Variants in BRINP3 observed in about 807,000 individuals in gnomAD.
BRINP3 encodes the protein BMP/retinoic acid-inducible neural-specific protein 3.
Under a neutral mutation model 71.0 loss-of-function variants are expected in BRINP3, and 19 were observed. That is an observed-to-expected ratio of 0.27 (90% CI 0.19 to 0.39). BRINP3 has a LOEUF of 0.39. Among genes scored for constraint, BRINP3 ranks in the 10% least tolerant of loss-of-function variants. BRINP3 has a pLI of 1.00. For synonymous variants in BRINP3, 380 were observed against 337.7 expected (o/e 1.13, Z -1.37); for missense variants, 959 against 940.8 (o/e 1.02, Z -0.25).
chr1:190,449,122 A>G (rs905894751), intron 2 of BRINP3, among the ~76,000 whole-genome samples: 1 of 152,052 alleles, frequency 6.6e-6, no homozygotes, highest in African/African-American at 2.4e-5. Flanking sequence ...TCCAAGAATT[A>G]TATTTTAACA....
intron 4 of BRINP3, among the ~76,000 whole-genome samples, chr1:190,254,004 C>T (rs1204823122): frequency 6.6e-6 from 1 of 152,116 alleles, no homozygotes; most frequent in East Asian, 1.9e-4. Context: ...GTTTTCCCAG[C>T]ACCATTTATT....
At chr1:190,366,794 A>G (rs920020342) in intron 2 of BRINP3, among the ~76,000 whole-genome samples, 4 of 152,222 alleles carry the variant, frequency 2.6e-5, no homozygotes, top group African/African-American at 9.6e-5. Context: ...CCAAAATATA[A>G]TAGTGCAGTC....
chr1:190,152,072 T>C (rs2102424925), intron 7 of BRINP3, among the ~76,000 whole-genome samples: 1 of 152,284 alleles, frequency 6.6e-6, no homozygotes, highest in South Asian at 2.1e-4. Flanking sequence ...AAAAGGGCTG[T>C]AGTATTCAAG....
intron 6 of BRINP3, among the ~76,000 whole-genome samples, chr1:190,225,460 G>A (rs1261745890): frequency 6.6e-6 from 1 of 151,904 alleles, no homozygotes; most frequent in Non-Finnish European, 1.5e-5. Context: ...GAGTAGAACG[G>A]TGGTTTCCAG....
At chr1:190,204,274 A>C (rs1655295375) in intron 6 of BRINP3, among the ~76,000 whole-genome samples, 1 of 151,958 alleles carries the variant, frequency 6.6e-6, no homozygotes, top group African/African-American at 2.4e-5. Context: ...GTAAACTTTA[A>C]GAAGTAACTT....
intron 6 of BRINP3, among the ~76,000 whole-genome samples, chr1:190,161,210 C>G (rs1306614145): frequency 1.3e-5 from 2 of 151,924 alleles, no homozygotes; most frequent in African/African-American, 4.8e-5. Context: ...TTTTAAACGT[C>G]TTTCAGTAAA....
At chr1:190,207,985 A>T (rs1655659632) in intron 6 of BRINP3, among the ~76,000 whole-genome samples, 1 of 152,058 alleles carries the variant, frequency 6.6e-6, no homozygotes, top group Non-Finnish European at 1.5e-5. Flanking sequence ...TGTTTGAGAC[A>T]GGGTCTCGCT....
chr1:190,417,408 T>C (rs1257467318), intron 2 of BRINP3, among the ~76,000 whole-genome samples: 4 of 152,150 alleles, frequency 2.6e-5, no homozygotes, highest in Non-Finnish European at 5.9e-5. Context: ...TATCGATCAA[T>C]ACAATATACC....
intron 2 of BRINP3, among the ~76,000 whole-genome samples, chr1:190,389,251 C>T (rs1299144552): frequency 6.6e-6 from 1 of 151,512 alleles, no homozygotes; most frequent in Non-Finnish European, 1.5e-5. Flanking sequence ...ATCTAACATC[C>T]TGTGATCTCT....
intron 7 of BRINP3, among the ~76,000 whole-genome samples, chr1:190,127,825 G>A (rs1167355744): frequency 6.6e-6 from 1 of 151,754 alleles, no homozygotes; most frequent in Non-Finnish European, 1.5e-5. Flanking sequence ...TTTTGGACTG[G>A]GAGAGTGAGT....
chr1:190,259,100 C>G (rs1660937775), intron 4 of BRINP3, among the ~76,000 whole-genome samples: 1 of 151,890 alleles, frequency 6.6e-6, no homozygotes, highest in Non-Finnish European at 1.5e-5. Flanking sequence ...TCTTCATAAA[C>G]TCTTTCACAA....
Position 190,380,282 on chromosome 1 carries a change from T to C in BRINP3, c.236+74373A>G, listed in dbSNP as rs139673187. On this transcript the variant is annotated intron_variant, in intron 2 of 7. Transcript: ENST00000367462. ...TGAGGGAAAGTGGGGATACCAGGAATGATCTGCAGGCTTTAAAAGTGCGGA... is the reference window on the plus strand; with the variant it reads ...TGAGGGAAAGTGGGGATACCAGGAACGATCTGCAGGCTTTAAAAGTGCGGA... Among the ~76,000 whole-genome samples, 1,051 of 152,228 alleles carry C rather than the reference T, an allele frequency of 6.9e-3. 6 individuals are homozygous for C. Among genetic ancestry groups the C allele is most frequent in the African/African-American group, 0.022 (905 of 41,572 alleles).
At chr1:190,128,965 T>C (rs1654311047) in intron 7 of BRINP3, among the ~76,000 whole-genome samples, 2 of 151,944 alleles carry the variant, frequency 1.3e-5, no homozygotes, top group South Asian at 4.1e-4. Flanking sequence ...ATCTTACAGA[T>C]ATGTCCAATT....
intron 1 of BRINP3, among the ~76,000 whole-genome samples, chr1:190,469,062 T>A (rs1490749096): frequency 6.6e-6 from 1 of 151,080 alleles, no homozygotes; most frequent in Non-Finnish European, 1.5e-5. Flanking sequence ...TTCTTCATAA[T>A]TGTTTACCCA....
intron 2 of BRINP3, among the ~76,000 whole-genome samples, chr1:190,338,218 G>T (rs1210979610): frequency 6.6e-6 from 1 of 151,996 alleles, no homozygotes; most frequent in African/African-American, 2.4e-5. Flanking sequence ...TTTTGCTGTA[G>T]TATCTAAAGC....
rs11336540 is a variant in BRINP3 at position 190,309,189 on chromosome 1, TAA to T, written c.237-27441_237-27440del. Among the ~76,000 whole-genome samples the T allele has an allele frequency of 2.1e-4, 31 of 150,272 alleles. No individual in the cohort carries two copies. In the South Asian group the frequency reaches 5.0e-3, roughly 24 times the overall value. The stretch of plus-strand genomic sequence containing the variant: ...TATGCTAAGTGTAATAAGTCCACAA[TAA>T]AAAAAAAACTGCTAAAAATATTGTA... On this transcript the variant is annotated intron_variant, in intron 2 of 7. Transcript: ENST00000367462.
intron 2 of BRINP3, among the ~76,000 whole-genome samples, chr1:190,340,254 C>A (rs895434032): frequency 6.6e-6 from 1 of 151,924 alleles, no homozygotes; most frequent in South Asian, 2.1e-4. Context: ...GAAAAGTAAT[C>A]AAGGAATAGA....
chr1:190,157,344 T>C (rs1656959569), intron 7 of BRINP3, among the ~76,000 whole-genome samples: 1 of 152,004 alleles, frequency 6.6e-6, no homozygotes, highest in Non-Finnish European at 1.5e-5. Context: ...CCCACGCAGT[T>C]CAAACTCGTG....
intron 7 of BRINP3, among the ~76,000 whole-genome samples, chr1:190,152,538 C>A (rs1656497709): frequency 7.7e-6 from 1 of 130,172 alleles, no homozygotes; most frequent in Non-Finnish European, 1.6e-5. Flanking sequence ...CCAACCCCCC[C>A]CCCGCCCCCC....
Sources: allele counts gnomAD v4.1 joint callset (sites outside exome capture counted in the v4.1 genomes callset), GRCh38; gene constraint gnomAD v4.1.1; transcripts MANE v1.5; gene names NCBI Gene and HGNC (gene_info 2026-07-23, HGNC 2026-07-21).